SEMA3A: variants seen among roughly 807,000 people sequenced by gnomAD.
SEMA3A encodes semaphorin 3A, also known as semaphorin-3A.
Under a neutral mutation model 97.9 loss-of-function variants are expected in SEMA3A, and 29 were observed. The observed-to-expected ratio is 0.30, with a 90% confidence interval of 0.22 to 0.40. SEMA3A has a LOEUF of 0.40. Among genes scored for constraint, SEMA3A ranks in the 10% least tolerant of loss-of-function variants. SEMA3A has a pLI of 1.00. For missense variants in SEMA3A, 763 were observed against 951.3 expected (o/e 0.80, Z 2.60); for synonymous variants, 321 against 323.7 (o/e 0.99, Z 0.09).
intron 6 of SEMA3A, among the ~76,000 whole-genome samples, chr7:84,018,803 A>G (rs185280033): frequency 3.0e-4 from 45 of 152,330 alleles, no homozygotes; most frequent in African/African-American, 1.0e-3. Flanking sequence ...TCAGAAATAT[A>G]TCTGGCCTAC....
intron 2 of SEMA3A, among the ~76,000 whole-genome samples, chr7:84,320,260 C>G (rs930123050): frequency 1.3e-5 from 2 of 151,838 alleles, no homozygotes; most frequent in African/African-American, 4.8e-5. Flanking sequence ...AATTTTTTGT[C>G]TCTGGGTATT....
At chr7:84,182,543 C>T (rs371010830) in intron 1 of SEMA3A, among the ~76,000 whole-genome samples, 1 of 152,092 alleles carries the variant, frequency 6.6e-6, no homozygotes, top group East Asian at 1.9e-4. Flanking sequence ...CCTTGCTCAG[C>T]CTGTCTCAGT....
chr7:84,460,623 C>A (rs1805810290), intron 1 of SEMA3A, among the ~76,000 whole-genome samples: 1 of 152,198 alleles, frequency 6.6e-6, no homozygotes, highest in Admixed American at 6.5e-5. Context: ...TCCCAGTCCA[C>A]TGATTGTCCA....
chr7:84,130,712 A>G (rs73378880), intron 2 of SEMA3A, among the ~76,000 whole-genome samples: 14,695 of 152,004 alleles, frequency 0.097, 1,439 homozygotes, highest in African/African-American at 0.25. Context: ...AGGCAAGGGG[A>G]TCTATTTTTA....
intron 6 of SEMA3A, among the ~76,000 whole-genome samples, chr7:84,041,732 T>A (rs2116488710): frequency 6.6e-6 from 1 of 152,268 alleles, no homozygotes. Context: ...GCTGTTGTTT[T>A]AACTGAATGA....
At chr7:84,146,629 T>C (rs1345625930) in intron 1 of SEMA3A, among the ~76,000 whole-genome samples, 1 of 152,176 alleles carries the variant, frequency 6.6e-6, no homozygotes, top group South Asian at 2.1e-4. Flanking sequence ...AACAAGTAAA[T>C]GTCATAATGT....
chr7:84,007,303 C>A (rs1447947615), intron 10 of SEMA3A, 50 bp downstream of exon 10: 2 of 1,467,316 alleles, frequency 1.4e-6, no homozygotes, highest in Admixed American at 2.2e-5. Flanking sequence ...GTTTTTTGAC[C>A]TTTGGCAGAA....
intron 15 of SEMA3A, among the ~76,000 whole-genome samples, chr7:83,969,887 T>C (rs1411634709): frequency 1.3e-5 from 2 of 152,148 alleles, no homozygotes; most frequent in African/African-American, 4.8e-5. Flanking sequence ...CCTATATCAC[T>C]AAAGGATGTC....
At chr7:84,470,405 TA>T (rs1475559681) in intron 1 of SEMA3A, among the ~76,000 whole-genome samples, 2 of 152,234 alleles carry the variant, frequency 1.3e-5, no homozygotes, top group East Asian at 3.9e-4. Context: ...TCTGGAGACA[TA>T]AATGATTCTG....
chr7:84,363,618 T>C (rs1313369747), intron 2 of SEMA3A, among the ~76,000 whole-genome samples: 1 of 151,928 alleles, frequency 6.6e-6, no homozygotes, highest in Admixed American at 6.6e-5. Flanking sequence ...AATTGGCCTA[T>C]TGTGAATGGC....
chr7:84,065,791 C>G (rs562082964), intron 4 of SEMA3A, among the ~76,000 whole-genome samples: 145 of 152,030 alleles, frequency 9.5e-4, no homozygotes, highest in African/African-American at 3.3e-3. Context: ...GCTTACCAAC[C>G]AAAAAGAGTC....
intron 3 of SEMA3A, among the ~76,000 whole-genome samples, chr7:84,125,226 C>T (rs1397281596): frequency 6.6e-6 from 1 of 152,034 alleles, no homozygotes; most frequent in Non-Finnish European, 1.5e-5. Context: ...TGTTATCACA[C>T]CATTGCACTT....
chr7:84,297,255 G>A (rs1003850615), intron 3 of SEMA3A, among the ~76,000 whole-genome samples: 1 of 152,216 alleles, frequency 6.6e-6, no homozygotes, highest in African/African-American at 2.4e-5. Flanking sequence ...GGGATTACAG[G>A]TGTGAGCCAC....
intron 2 of SEMA3A, among the ~76,000 whole-genome samples, chr7:84,335,799 C>G (rs1802023646): frequency 1.3e-5 from 2 of 151,962 alleles, no homozygotes; most frequent in South Asian, 4.2e-4. Flanking sequence ...TTTTAAATTT[C>G]CTAGCATTCA....
At chr7:84,184,674 TG>T (rs1251613513) in intron 1 of SEMA3A, among the ~76,000 whole-genome samples, 1 of 151,992 alleles carries the variant, frequency 6.6e-6, no homozygotes, top group Non-Finnish European at 1.5e-5. Flanking sequence ...GCAATTATAT[TG>T]GGGGAATCTG....
In SEMA3A at chr7:84,051,073, C is replaced by T. The variant is rs1035926322; in HGVS notation, c.548-4630G>A. ...TGTTCTGTTCCATTGATCTATATCTCTGTTTTGGTACCAGTACCATGCTGT... is the reference window on the plus strand; with the variant it reads ...TGTTCTGTTCCATTGATCTATATCTTTGTTTTGGTACCAGTACCATGCTGT... On this transcript the variant is annotated intron_variant, in intron 5 of 16. Coordinates refer to ENST00000265362, the MANE Select transcript of SEMA3A (RefSeq NM_006080.3). Among the ~76,000 whole-genome samples, 913 of 151,468 alleles carry T rather than the reference C, an allele frequency of 6.0e-3. 12 individuals carry two copies. The highest frequency in any genetic ancestry group is 0.021 in the African/African-American group (848 of 41,260).
chr7:84,016,552 GA>G (rs890829220), intron 6 of SEMA3A, among the ~76,000 whole-genome samples: 3 of 143,392 alleles, frequency 2.1e-5, no homozygotes, highest in Non-Finnish European at 3.1e-5. Flanking sequence ...AAAAAAAAAA[GA>G]AAAAAAAAGA....
intron 3 of SEMA3A, among the ~76,000 whole-genome samples, chr7:84,299,450 T>C (rs1480461165): frequency 6.7e-6 from 1 of 149,748 alleles, no homozygotes; most frequent in Non-Finnish European, 1.5e-5. Context: ...TAGTCCAGAG[T>C]AAAAAGACGG....
chr7:84,180,791 C>A (rs76347640), intron 1 of SEMA3A, among the ~76,000 whole-genome samples: 8,917 of 152,182 alleles, frequency 0.059, 283 homozygotes, highest in Non-Finnish European at 0.071. Flanking sequence ...GGTCTGTCTG[C>A]ACAAAGACTG....
Sources: gnomAD v4.1 joint callset for allele counts (sites outside exome capture counted in the v4.1 genomes callset) on GRCh38, gnomAD v4.1.1 for gene constraint, MANE v1.5 for transcripts, NCBI Gene and HGNC (gene_info 2026-07-23, HGNC 2026-07-21) for gene names.